Variants in PLN observed in about 807,000 individuals in gnomAD.
The protein encoded by PLN is phospholamban.
In PLN, 1 loss-of-function variant was observed where a neutral mutation model predicts 3.9. That is an observed-to-expected ratio of 0.26 (90% CI 0.09 to 1.23). The LOEUF (loss-of-function observed/expected upper bound fraction) is 1.23. Ranked by LOEUF, PLN falls within the 50% of genes most tolerant of loss-of-function variation. The pLI is 0.48. For synonymous variants in PLN, 21 were observed against 20.5 expected, an observed-to-expected ratio of 1.02 and a Z score of -0.07; for missense variants, 59 against 62.7, an observed-to-expected ratio of 0.94 and a Z score of 0.20.
intron 1 of PLN, among the ~76,000 whole-genome samples, chr6:118,557,003 T>C (rs759582360): frequency 1.3e-4 from 20 of 152,288 alleles, no homozygotes; most frequent in Non-Finnish European, 1.8e-4. Context: ...TGGAAACTAC[T>C]ACTATTAAGT....
intron 1 of PLN, among the ~76,000 whole-genome samples, chr6:118,557,453 A>G (rs1778943461): frequency 1.3e-5 from 2 of 152,236 alleles, no homozygotes; most frequent in South Asian, 4.1e-4. Context: ...TCATTTTGTT[A>G]TAACATTTAA....
Position 118,558,963 on chromosome 6 carries a change from A to G in PLN, c.42A>G (p.Arg14=). 6.2e-7 allele frequency: 1 copy of G among 1,613,550 alleles called. No individual in the cohort carries two copies. The highest frequency in any genetic ancestry group is 8.5e-7 in the Non-Finnish European group (1 of 1,179,472). The stretch of plus-strand genomic sequence containing the variant: ...ACCTCACTCGCTCAGCTATAAGAAG[A>G]GCCTCAACCATTGAAATGCCTCAAC... The part of the protein sequence containing the change: ...VQYLTRSAIR[R]ASTIEMPQQA... The change falls in exon 2 of 2, where the codon AGA becomes AGG. Residue 14 remains arginine (R), a synonymous_variant. Transcript: ENST00000357525.
intron 1 of PLN, 27 bp downstream of exon 1, chr6:118,548,419 GTAATTCTTACTTTCTA>G (rs976064784): frequency 1.3e-5 from 2 of 152,032 alleles, no homozygotes; most frequent in African/African-American, 4.8e-5. Flanking sequence ...GCTGACTTTG[GTAATTCTTACTTTCTA>G]TAATTCTTAA....
chr6:118,554,736 A>G (rs529509894), intron 1 of PLN, among the ~76,000 whole-genome samples: 1 of 152,356 alleles, frequency 6.6e-6, no homozygotes, highest in East Asian at 1.9e-4. Context: ...GAAAGGTTTC[A>G]CTAGGAAGTG....
intron 1 of PLN, among the ~76,000 whole-genome samples, chr6:118,555,425 C>CA (rs200889385): frequency 0.52 from 60,046 of 116,138 alleles, 15,504 homozygotes; most frequent in Middle Eastern, 0.58. Flanking sequence ...AAGACTGTCT[C>CA]AAAAAAAAAA....
At chr6:118,558,684 GAGA>G in intron 1 of PLN, 138 bp from the exon 2 acceptor site, 5 of 526,536 alleles carry the variant, frequency 9.5e-6, no homozygotes, top group South Asian at 4.2e-5. Flanking sequence ...GAGAGAGAGA[GAGA>G]GGGAGAGAGA....
rs930994224 is a variant in PLN, at chr6:118,560,280, A to G, written c.*1200A>G. The G allele has an allele frequency of 6.6e-5, 11 of 167,090 alleles. No homozygotes were observed. The highest frequency in any genetic ancestry group is 2.7e-4 in the African/African-American group (11 of 41,450). The allele number at this position is 167,090 out of a possible 1,614,324, so 10.4% of individuals were successfully genotyped here. On this transcript the variant is annotated 3_prime_UTR_variant, in exon 2 of 2. Coordinates refer to ENST00000357525, the MANE Select transcript of PLN (RefSeq NM_002667.5). ...TGACCATAAACCTTACTGATAACAT[A>G]AACAGTAAATTAACACATATTTTGC...
rs537800022 is a variant in PLN, at chr6:118,560,359, G to A, written c.*1279G>A. On this transcript the variant is annotated 3_prime_UTR_variant, in exon 2 of 2. Coordinates refer to ENST00000357525, the MANE Select transcript of PLN (RefSeq NM_002667.5). ...TACAATAAAGTAAGCTAGAGAAAAT[G>A]TTATTTAGAAAATCATAAGAAAGAG... 363 of 167,032 alleles carry A rather than the reference G, an allele frequency of 2.2e-3. No homozygotes were observed. Among genetic ancestry groups the A allele is most frequent in the Non-Finnish European group, 3.9e-3 (265 of 68,080 alleles). 10.3% of individuals were successfully genotyped at this position (167,032 alleles called of 1,614,324 possible).
intron 1 of PLN, among the ~76,000 whole-genome samples, chr6:118,550,209 A>G (rs151238618): frequency 1.2e-3 from 187 of 152,026 alleles, no homozygotes; most frequent in African/African-American, 4.4e-3. Context: ...TTTTATTTGT[A>G]TTTTAGTAGG....
Position 118,561,496 on chromosome 6 carries a change from T to C in PLN, c.*2416T>C, listed in dbSNP as rs1275513728. 1.3e-5 allele frequency among the ~76,000 whole-genome samples: 2 copies of C among 152,078 alleles called. No individual in the cohort carries two copies. The highest frequency in any genetic ancestry group is 1.3e-4 in the Admixed American group (2 of 15,264). On this transcript the variant is annotated 3_prime_UTR_variant, in exon 2 of 2. Coordinates refer to ENST00000357525, the MANE Select transcript of PLN (RefSeq NM_002667.5). ...AATAATTATTCTTCATCATAAAGTGTAAAGAATAAGATATAAGAAAACAAT... is the reference window on the plus strand; with the variant it reads ...AATAATTATTCTTCATCATAAAGTGCAAAGAATAAGATATAAGAAAACAAT...
Position 118,549,978 on chromosome 6 carries a change from A to G in PLN, c.-98+1586A>G, listed in dbSNP as rs572489248. 5.1e-4 allele frequency among the ~76,000 whole-genome samples: 78 copies of G among 152,054 alleles called. 1 individual carries two copies. The highest frequency in any genetic ancestry group is 4.1e-3 in the South Asian group (20 of 4,830). ...ACATTGTGTCCCAACTAGTTCATCT[A>G]TACCTTAAGGTGCAAGTTAAGTATT... On this transcript the variant is annotated intron_variant, in intron 1 of 1. Coordinates refer to ENST00000357525, the MANE Select transcript of PLN (RefSeq NM_002667.5).
chr6:118,554,317 A>G (rs1286626562), intron 1 of PLN, among the ~76,000 whole-genome samples: 1 of 152,016 alleles, frequency 6.6e-6, no homozygotes, highest in Non-Finnish European at 1.5e-5. Flanking sequence ...AAAAACAATT[A>G]ATTAATTAAA....
chr6:118,559,324 T>G lies in PLN; in HGVS notation c.*244T>G, dbSNP rs1197501649. 6.2e-6 allele frequency: 3 copies of G among 486,228 alleles called. No homozygotes were observed. The highest frequency in any genetic ancestry group is 1.2e-5 in the Non-Finnish European group (3 of 258,318). 30.1% of individuals were successfully genotyped at this position (486,228 alleles called of 1,614,324 possible). A position where few individuals can be genotyped will look rare whatever the true frequency, so the allele number is the denominator to read the frequency against. Reference sequence around the variant, plus strand: ...TCAAAATAAGTGTATAAAATGCAACTGTTGATTTCCTCAACATGGCTCACA... The same window carrying G: ...TCAAAATAAGTGTATAAAATGCAACGGTTGATTTCCTCAACATGGCTCACA... On this transcript the variant is annotated 3_prime_UTR_variant, in exon 2 of 2. Transcript: ENST00000357525.
chr6:118,558,650 C>CAGAGAGAGAGAGAGAGAG (rs1433315078), intron 1 of PLN, among the ~76,000 whole-genome samples, 175 bp from the exon 2 acceptor site: 3 of 136,654 alleles, frequency 2.2e-5, no homozygotes, highest in African/African-American at 9.8e-5. Context: ...CACACACACA[C>CAGAGAGAGAGAGAGAGAG]ACACACACAC....
intron 1 of PLN, among the ~76,000 whole-genome samples, chr6:118,552,841 A>G (rs1454561644): frequency 1.3e-5 from 2 of 152,084 alleles, no homozygotes; most frequent in African/African-American, 4.8e-5. Context: ...TGCCTCTGAC[A>G]TGTAACTCAA....
At chr6:118,554,391 C>T (rs1381458202) in intron 1 of PLN, among the ~76,000 whole-genome samples, 2 of 152,168 alleles carry the variant, frequency 1.3e-5, no homozygotes, top group East Asian at 3.8e-4. Context: ...AAACATTCGT[C>T]CCGCCTAGGC....
intron 1 of PLN, among the ~76,000 whole-genome samples, chr6:118,551,281 T>G (rs550045161): frequency 1.4e-4 from 22 of 151,864 alleles, no homozygotes; most frequent in African/African-American, 4.8e-4. Flanking sequence ...GGACCTCTAG[T>G]GCCTTTGAAA....
chr6:118,549,794 G>C (rs9481824), intron 1 of PLN, among the ~76,000 whole-genome samples: 4,384 of 151,810 alleles, frequency 0.029, 106 homozygotes, highest in African/African-American at 0.056. Context: ...TATTGTATCA[G>C]AATTTTGCTA....
At chr6:118,557,063 C>T (rs1331497779) in intron 1 of PLN, among the ~76,000 whole-genome samples, 1 of 152,110 alleles carries the variant, frequency 6.6e-6, no homozygotes, top group Non-Finnish European at 1.5e-5. Flanking sequence ...ATAATAATTA[C>T]TATGTGTTCC....
Sources: allele counts gnomAD v4.1 joint callset (sites outside exome capture counted in the v4.1 genomes callset), GRCh38; gene constraint gnomAD v4.1.1; transcripts MANE v1.5; gene names NCBI Gene and HGNC (gene_info 2026-07-23, HGNC 2026-07-21).